Variants in MLC1 observed in about 807,000 individuals in gnomAD.
The protein encoded by MLC1 is membrane protein MLC1.
A neutral mutation model predicts 44.7 loss-of-function variants in MLC1; 32 were observed. The observed-to-expected ratio is 0.72, with a 90% confidence interval of 0.54 to 0.96. MLC1 has a LOEUF of 0.96. Among genes scored for constraint, MLC1 ranks in the 40% least tolerant of loss-of-function variants. The pLI is 0.00. For missense variants in MLC1, 459 were observed against 492.2 expected (o/e 0.93, Z 0.64); for synonymous variants, 190 against 213.0 (o/e 0.89, Z 0.94).
intron 10 of MLC1, among the ~76,000 whole-genome samples, chr22:50,067,361 C>T (rs1459270459): frequency 5.6e-5 from 8 of 144,140 alleles, no homozygotes; most frequent in African/African-American, 1.5e-4. Flanking sequence ...CTCCATCCCC[C>T]GTCAGACAGT....
In MLC1 at chr22:50,070,585, T is replaced by TAAGA. The variant is rs1358849275; in HGVS notation, c.715-6_715-3dup. 6.4e-7 allele frequency: 1 copy of TAAGA among 1,560,644 alleles called. No homozygotes were observed. Among genetic ancestry groups the TAAGA allele is most frequent in the Admixed American group, 1.9e-5 (1 of 52,148 alleles). On this transcript the variant is annotated splice_region_variant and splice_polypyrimidine_tract_variant and intron_variant, in intron 8 of 11. Transcript: ENST00000311597. ...ACTGGCAATGGCACTTGGAAAGCACTAAGAGAAAAGAAAAAGGAAAGATTT... is the reference window on the plus strand; with the variant it reads ...ACTGGCAATGGCACTTGGAAAGCACTAAGAAAGAGAAAAGAAAAAGGAAAGATTT...
At position 50,064,331 on chromosome 22, in the gene MLC1, G is replaced by A. The variant is rs944593739; in HGVS notation, c.895-133C>T. ...GAGTCGGAGCCCCAGTAACCCAAAC[G>A]CATTGCTATTTCAACAACCTGATGA... On this transcript the variant is annotated intron_variant, in intron 10 of 11. Coordinates refer to ENST00000311597, the MANE Select transcript of MLC1 (RefSeq NM_015166.4). 1.6e-5 allele frequency: 16 copies of A among 1,031,862 alleles called. No individual in the cohort carries two copies. The African/African-American group carries it at 1.6e-4, about 10-fold the overall frequency. The allele number at this position is 1,031,862 out of a possible 1,614,324, so 63.9% of individuals were successfully genotyped here.
At chr22:50,084,643 C>G in intron 2 of MLC1, 83 bp downstream of exon 2, 1 of 1,479,842 alleles carries the variant, frequency 6.8e-7, no homozygotes. Flanking sequence ...TCTGTCCCAC[C>G]TGGGGCTCCA....
At chr22:50,068,725 CTTTTTTTTT>C (rs765426637) in intron 9 of MLC1, among the ~76,000 whole-genome samples, 170 bp from the exon 10 acceptor site, 2 of 105,256 alleles carry the variant, frequency 1.9e-5, no homozygotes, top group African/African-American at 3.6e-5. Flanking sequence ...TTTTCTTTTT[CTTTTTTTTT>C]TTTTTTTTTT....
chr22:50,072,799 T>C (rs73183392), intron 8 of MLC1: 3,015 of 152,476 alleles, frequency 0.02, 40 homozygotes, highest in Non-Finnish European at 0.032. Flanking sequence ...CCCATGTGAG[T>C]TCTCTGTCTC....
intron 11 of MLC1, among the ~76,000 whole-genome samples, chr22:50,063,613 C>A (rs1008631627): frequency 3.3e-5 from 5 of 151,872 alleles, no homozygotes; most frequent in African/African-American, 9.7e-5. Context: ...AGGACAGGAG[C>A]CCCCACCGCA....
Position 50,068,281 on chromosome 22 carries a change from C to T in MLC1, c.894+152G>A, listed in dbSNP as rs765648341. 3.5e-5 allele frequency: 41 copies of T among 1,167,242 alleles called. 1 individual carries two copies. The highest frequency in any genetic ancestry group is 1.9e-4 in the South Asian group (14 of 73,486). The allele number at this position is 1,167,242 out of a possible 1,614,324, so 72.3% of individuals were successfully genotyped here. ...GGGGCCAGGCTGGCATTGGGGAGCA[C>T]GGTCACCGCTGCCCAGGAACAGCGG... On this transcript the variant is annotated intron_variant, in intron 10 of 11. Transcript: ENST00000311597.
chr22:50,067,880 C>T (rs1016623223), intron 10 of MLC1, among the ~76,000 whole-genome samples: 19 of 151,478 alleles, frequency 1.3e-4, no homozygotes, highest in Admixed American at 8.6e-4. Context: ...CATCAGCACA[C>T]GCATGTTGAC....
intron 3 of MLC1, among the ~76,000 whole-genome samples, chr22:50,081,142 C>T (rs1376584623): frequency 6.6e-6 from 1 of 151,830 alleles, no homozygotes; most frequent in Non-Finnish European, 1.5e-5. Context: ...GAGTTTGAGA[C>T]CAGCCTGGCC....
chr22:50,082,540 A>C (rs1050874413), intron 3 of MLC1, among the ~76,000 whole-genome samples: 1 of 152,262 alleles, frequency 6.6e-6, no homozygotes, highest in Non-Finnish European at 1.5e-5. Flanking sequence ...GCAGGCTCAG[A>C]ATCAACACGC....
chr22:50,073,791 ATGTGTCAGGTGC>A (rs1459969765), intron 8 of MLC1, among the ~76,000 whole-genome samples: 6 of 152,206 alleles, frequency 3.9e-5, no homozygotes, highest in African/African-American at 1.4e-4. Context: ...AGCATGTGGC[ATGTGTCAGGTGC>A]TGTGTGACAC....
At chr22:50,079,500 CTTTTTTTTTTTTT>C (rs55760839) in intron 5 of MLC1, among the ~76,000 whole-genome samples, 1 of 75,820 alleles carries the variant, frequency 1.3e-5, no homozygotes, top group Non-Finnish European at 2.5e-5. Flanking sequence ...GGATTTTTGT[CTTTTTTTTTTTTT>C]TTTTTTTTTT....
intron 1 of MLC1, 67 bp from the exon 2 acceptor site, chr22:50,085,028 A>AT: frequency 6.6e-7 from 1 of 1,512,866 alleles, no homozygotes. Context: ...TCCAAGAAAT[A>AT]TTTTTTAACA....
chr22:50,079,871 T>C lies in MLC1; in HGVS notation c.423+47A>G, dbSNP rs192394296. The C allele has an allele frequency of 2.3e-4, 304 of 1,309,822 alleles. 1 individual carries two copies. The East Asian group carries it at 6.9e-3, about 30-fold the overall frequency. 81.1% of individuals were successfully genotyped at this position (1,309,822 alleles called of 1,614,324 possible). On this transcript the variant is annotated intron_variant, in intron 5 of 11. Transcript: ENST00000311597. ...CATTTGCTGACACCATTCGTGGGAG[T>C]GGGGCTGTGGGTGTCAGGCGTCTGC...
At position 50,083,302 on chromosome 22, in the gene MLC1, C is replaced by A; in HGVS notation, c.178-129G>T. On this transcript the variant is annotated intron_variant, in intron 2 of 11. Coordinates refer to ENST00000311597, the MANE Select transcript of MLC1 (RefSeq NM_015166.4). This position sits in a 1 kb window ranked among gnomAD's most constrained non-coding sequence, Gnocchi z 4.6. ...CACGTCCCCCAGCATCAACCACACC[C>A]GCACCTGGGACCCGCCCATCCTGGA... 1.2e-6 allele frequency: 1 copy of A among 829,156 alleles called. No homozygotes were observed. Among genetic ancestry groups the A allele is most frequent in the Admixed American group, 2.0e-5 (1 of 50,256 alleles). The allele number at this position is 829,156 out of a possible 1,614,324, so 51.4% of individuals were successfully genotyped here. A position where few individuals can be genotyped will look rare whatever the true frequency, so the allele number is the denominator to read the frequency against.
At chr22:50,062,130 GC>G (rs957808130) in intron 11 of MLC1, among the ~76,000 whole-genome samples, 45 of 148,604 alleles carry the variant, frequency 3.0e-4, no homozygotes, top group African/African-American at 1.1e-3. Flanking sequence ...TCCACCCTGA[GC>G]CCCAGCCACC....
At chr22:50,080,731 G>A (rs909034806) in intron 3 of MLC1, among the ~76,000 whole-genome samples, 1 of 152,174 alleles carries the variant, frequency 6.6e-6, no homozygotes, top group Non-Finnish European at 1.5e-5. Flanking sequence ...TATTCTGAAA[G>A]AAGTTTTTAT....
intron 5 of MLC1, among the ~76,000 whole-genome samples, chr22:50,078,885 C>T (rs779099577): frequency 4.6e-5 from 7 of 152,188 alleles, no homozygotes; most frequent in African/African-American, 7.2e-5. Context: ...GAGACAGCTC[C>T]TCCCAGGGCC....
intron 8 of MLC1, among the ~76,000 whole-genome samples, 178 bp downstream of exon 8, chr22:50,074,038 T>C (rs1321296717): frequency 6.6e-6 from 1 of 152,190 alleles, no homozygotes; most frequent in African/African-American, 2.4e-5. Flanking sequence ...TAAAAGCAGT[T>C]AATACTTTGA....
Sources: allele counts gnomAD v4.1 joint callset (sites outside exome capture counted in the v4.1 genomes callset), GRCh38; gene constraint gnomAD v4.1.1; non-coding constraint Gnocchi (gnomAD v3.1); transcripts MANE v1.5; gene names NCBI Gene and HGNC (gene_info 2026-07-23, HGNC 2026-07-21).